Variants in PRKG1 observed in about 807,000 individuals in gnomAD.
PRKG1 encodes protein kinase cGMP-dependent 1.
A neutral mutation model predicts 88.1 loss-of-function variants in PRKG1; 35 were observed. The ratio of observed to expected loss-of-function variants is 0.40; its 90% CI spans 0.30 to 0.53. PRKG1 has a LOEUF of 0.53. Among genes scored for constraint, PRKG1 ranks in the 20% least tolerant of loss-of-function variants. The probability of loss-of-function intolerance (pLI) is 0.59; values close to 1 mark genes in which losing one functional copy is unlikely to be tolerated. For synonymous variants in PRKG1, 303 were observed against 292.5 expected (o/e 1.04, Z -0.37); for missense variants, 540 against 839.8 (o/e 0.64, Z 4.41).
At chr10:51,626,599 T>C (rs540394641) in intron 3 of PRKG1, among the ~76,000 whole-genome samples, 30 of 152,206 alleles carry the variant, frequency 2.0e-4, no homozygotes, top group Non-Finnish European at 3.4e-4. Context: ...TTTCAGACTT[T>C]CATATTTCTT....
In PRKG1 at chr10:51,771,606, G is replaced by A. The variant is rs541078754; in HGVS notation, c.593-32979G>A. Among the ~76,000 whole-genome samples the A allele has an allele frequency of 2.6e-5, 4 of 152,166 alleles. No individual in the cohort carries two copies. The East Asian group carries it at 5.8e-4, about 22-fold the overall frequency. Reference sequence around the variant, plus strand: ...AAATCTCAATGATTAAAATGTCTGAGTACAACCCCTACTGATGTTTTATAT... The same window carrying A: ...AAATCTCAATGATTAAAATGTCTGAATACAACCCCTACTGATGTTTTATAT... On this transcript the variant is annotated intron_variant, in intron 3 of 17. Transcript: ENST00000373980.
intron 3 of PRKG1, among the ~76,000 whole-genome samples, chr10:51,655,302 A>T (rs1840135179): frequency 6.6e-6 from 1 of 152,174 alleles, no homozygotes; most frequent in Non-Finnish European, 1.5e-5. Flanking sequence ...TATACATAAG[A>T]TTCTGTAGCA....
intron 9 of PRKG1, among the ~76,000 whole-genome samples, chr10:52,178,572 A>G (rs966766176): frequency 6.6e-6 from 1 of 151,440 alleles, no homozygotes; most frequent in Non-Finnish European, 1.5e-5. Flanking sequence ...TGTCTAGTTG[A>G]TCTGTTCAAC....
intron 1 of PRKG1, among the ~76,000 whole-genome samples, chr10:51,026,659 G>A (rs533981710): frequency 5.0e-4 from 76 of 152,140 alleles, no homozygotes; most frequent in African/African-American, 1.7e-3. Context: ...TTGTCTTCTT[G>A]AGTCACAGCA....
chr10:52,288,801 AAAG>A lies in PRKG1; in HGVS notation c.1790_1792del (p.Lys597del), dbSNP rs758189256. The stretch of plus-strand genomic sequence containing the variant: ...GGGGGATTGACATGATAGAATTTCC[AAAG>A]AAGATTGCCAAAAATGCTGCTAATT... On this transcript the variant is annotated inframe_deletion, in exon 15 of 18. Transcript: ENST00000373980. 8.1e-6 allele frequency: 13 copies of A among 1,608,188 alleles called. No homozygotes were observed. Among genetic ancestry groups the A allele is most frequent in the Non-Finnish European group, 1.1e-5 (13 of 1,177,616 alleles).
At chr10:52,185,409 A>C (rs1839169923) in intron 9 of PRKG1, among the ~76,000 whole-genome samples, 1 of 152,078 alleles carries the variant, frequency 6.6e-6, no homozygotes, top group Non-Finnish European at 1.5e-5. Flanking sequence ...GAGTAGCTCC[A>C]CCCCTGTGGC....
chr10:51,655,428 G>T (rs1922130), intron 3 of PRKG1, among the ~76,000 whole-genome samples: 40,908 of 151,920 alleles, frequency 0.27, 5,800 homozygotes, highest in Admixed American at 0.32. Flanking sequence ...ATTATGTACA[G>T]TGTTAGAAAA....
At chr10:51,696,454 T>G (rs1841295762) in intron 3 of PRKG1, 3 of 151,738 alleles carry the variant, frequency 2.0e-5, no homozygotes, top group Non-Finnish European at 4.4e-5. Context: ...AATTACTGAC[T>G]CAGATTTAGG....
At chr10:51,604,663 A>G (rs148479052) in intron 3 of PRKG1, among the ~76,000 whole-genome samples, 25 of 152,316 alleles carry the variant, frequency 1.6e-4, no homozygotes, top group African/African-American at 4.8e-4. Flanking sequence ...TCTTTATTCC[A>G]ATCACAAGGC....
chr10:51,097,358 G>A (rs1844555951), intron 1 of PRKG1, among the ~76,000 whole-genome samples: 2 of 152,116 alleles, frequency 1.3e-5, no homozygotes, highest in Admixed American at 6.5e-5. Flanking sequence ...CAGTAGCTGG[G>A]ATTACAGGTG....
chr10:52,035,549 G>A (rs953834913), intron 5 of PRKG1, among the ~76,000 whole-genome samples: 1 of 152,114 alleles, frequency 6.6e-6, no homozygotes. Context: ...GAAGAGGAAA[G>A]AAGGAAATTT....
intron 2 of PRKG1, among the ~76,000 whole-genome samples, chr10:51,156,902 G>A (rs1253717483): frequency 1.3e-5 from 2 of 151,826 alleles, no homozygotes; most frequent in African/African-American, 4.8e-5. Flanking sequence ...TGAATGAATA[G>A]GCAGTAAAGG....
chr10:51,946,969 G>T (rs1014459463), intron 5 of PRKG1, among the ~76,000 whole-genome samples: 2 of 152,042 alleles, frequency 1.3e-5, no homozygotes, highest in African/African-American at 4.8e-5. Flanking sequence ...CTGCATGCTG[G>T]GAGAACCACT....
At chr10:51,526,315 T>C (rs1159901577) in intron 3 of PRKG1, among the ~76,000 whole-genome samples, 1 of 152,178 alleles carries the variant, frequency 6.6e-6, no homozygotes, top group Non-Finnish European at 1.5e-5. Flanking sequence ...AAAATAAATT[T>C]AGCTTTAAAA....
At chr10:51,288,965 G>A (rs1431021939) in intron 2 of PRKG1, among the ~76,000 whole-genome samples, 4 of 152,082 alleles carry the variant, frequency 2.6e-5, no homozygotes, top group Non-Finnish European at 5.9e-5. Context: ...TTAATAAAGG[G>A]CTTAGTGCAT....
rs146230445 is a variant in PRKG1 at position 51,928,264 on chromosome 10, T to C, written c.762+20694T>C. On this transcript the variant is annotated intron_variant, in intron 5 of 17. Coordinates refer to ENST00000373980, the MANE Select transcript of PRKG1 (RefSeq NM_006258.4). ...ACTCCTTTCTAATTAGCATTAAAGCTTTCTCTATTTGAGGAAAAAGATATG... is the reference window on the plus strand; with the variant it reads ...ACTCCTTTCTAATTAGCATTAAAGCCTTCTCTATTTGAGGAAAAAGATATG... Among the ~76,000 whole-genome samples the C allele has an allele frequency of 4.8e-3, 734 of 152,334 alleles. 4 individuals carry two copies. The highest frequency in any genetic ancestry group is 7.9e-3 in the Non-Finnish European group (540 of 68,038).
chr10:51,144,308 G>T (rs1845888483), intron 1 of PRKG1, among the ~76,000 whole-genome samples: 1 of 152,038 alleles, frequency 6.6e-6, no homozygotes, highest in Admixed American at 6.6e-5. Context: ...GGGCTTAGAA[G>T]TCAAACAGAT....
chr10:51,539,462 A>G (rs1291893727), intron 3 of PRKG1, among the ~76,000 whole-genome samples: 2 of 152,164 alleles, frequency 1.3e-5, no homozygotes, highest in Non-Finnish European at 2.9e-5. Context: ...TTGTCTCCCA[A>G]ATAGGGATTT....
chr10:51,898,016 A>G (rs1217647919), intron 4 of PRKG1, among the ~76,000 whole-genome samples: 1 of 151,972 alleles, frequency 6.6e-6, no homozygotes, highest in Admixed American at 6.6e-5. Context: ...CTTGATGTCT[A>G]CTAATCTCCC....
Sources: gnomAD v4.1 joint callset for allele counts (sites outside exome capture counted in the v4.1 genomes callset) on GRCh38, gnomAD v4.1.1 for gene constraint, MANE v1.5 for transcripts, NCBI Gene and HGNC (gene_info 2026-07-23, HGNC 2026-07-21) for gene names.